The following SCN4A variants were observed in gnomAD, a reference collection of about 807,000 sequenced individuals.
SCN4A encodes sodium voltage-gated channel alpha subunit 4.
In SCN4A, 83 loss-of-function variants were observed where a neutral mutation model predicts 162.0. The ratio of observed to expected loss-of-function variants is 0.51; its 90% CI spans 0.43 to 0.61. The LOEUF is 0.61. Ranked by LOEUF, SCN4A falls within the 20% of genes least tolerant of loss-of-function variation. The probability of loss-of-function intolerance (pLI) is 0.00; values close to 1 mark genes in which losing one functional copy is unlikely to be tolerated. For missense variants in SCN4A, 2,196 were observed against 2,462.5 expected (o/e 0.89, Z 2.29); for synonymous variants, 944 against 985.1 (o/e 0.96, Z 0.78).
chr17:63,969,656 T>C (rs12952532), intron 5 of SCN4A, among the ~76,000 whole-genome samples: 57,065 of 152,008 alleles, frequency 0.38, 13,049 homozygotes, highest in South Asian at 0.58. Context: ...CTTTTCTTTT[T>C]TTTTTGAGAT....
rs1908695999 is a variant in SCN4A, at chr17:63,945,715, G to A, written c.3442-77C>T. On this transcript the variant is annotated intron_variant, in intron 18 of 23. Transcript: ENST00000435607. The surrounding 1 kb of genome is among the most constrained non-coding windows in gnomAD (Gnocchi z 4.4). ...GCTCCACATCTCTACGCCACCCAGG[G>A]GACCAGGCAGAGCTGGGCATTGTCA... 3.9e-6 allele frequency: 6 copies of A among 1,525,650 alleles called. No individual in the cohort carries two copies. The highest frequency in any genetic ancestry group is 4.5e-6 in the Non-Finnish European group (5 of 1,108,260). The allele number at this position is 1,525,650 out of a possible 1,614,324, so 94.5% of individuals were successfully genotyped here.
intron 15 of SCN4A, among the ~76,000 whole-genome samples, 164 bp from the exon 16 acceptor site, chr17:63,948,929 G>T (rs1381176242): frequency 6.6e-6 from 1 of 152,142 alleles, no homozygotes; most frequent in East Asian, 1.9e-4. Context: ...TGGCTCACAT[G>T]GGGGACTCAG....
chr17:63,962,588 C>T (rs1217001429), intron 10 of SCN4A, among the ~76,000 whole-genome samples: 2 of 152,136 alleles, frequency 1.3e-5, no homozygotes, highest in African/African-American at 4.8e-5. Context: ...ATCAGTGGCT[C>T]CCATTTCAAA....
Position 63,972,337 on chromosome 17 carries a change from T to G in SCN4A, c.392+15A>C. On this transcript the variant is annotated intron_variant, in intron 2 of 23. Coordinates refer to ENST00000435607, the MANE Select transcript of SCN4A (RefSeq NM_000334.4). The surrounding 1 kb of genome is among the most constrained non-coding windows in gnomAD (Gnocchi z 4.3). ...TCCCTAACCCCTCCCGCCTCTCCCATCTTGGGCAGGATATGCATGGATGAG... is the reference window on the plus strand; with the variant it reads ...TCCCTAACCCCTCCCGCCTCTCCCAGCTTGGGCAGGATATGCATGGATGAG... 6.2e-7 allele frequency: 1 copy of G among 1,611,246 alleles called. No individual in the cohort carries two copies. The highest frequency in any genetic ancestry group is 8.5e-7 in the Non-Finnish European group (1 of 1,177,742).
chr17:63,948,717 C>G lies in SCN4A; in HGVS notation c.3038G>C (p.Arg1013Pro). Residue 1013 changes from arginine to proline, a missense_variant, in exon 16 of 24, where the codon CGT becomes CCT. Physicochemically the swap from Arg to Pro is moderately radical, Grantham distance 103 (BLOSUM62 -2). Coordinates refer to ENST00000435607, the MANE Select transcript of SCN4A (RefSeq NM_000334.4). ...GCGCAGAGTCCACCACTTCTTCCCA[C>G]GGCCCTGGGAGATGTCCACGTAGAG... ...PCLYVDISQG[R>P]GKKWWTLRRA... 1 of 1,613,288 alleles carries G rather than the reference C, an allele frequency of 6.2e-7. No homozygotes were observed. Among genetic ancestry groups the G allele is most frequent in the Non-Finnish European group, 8.5e-7 (1 of 1,179,578 alleles).
Position 63,947,061 on chromosome 17 carries a change from C to A in SCN4A, c.3425G>T (p.Arg1142Leu), listed in dbSNP as rs780703403. ...RALRPLRALS[R>L]FEGMRVVVNA... is the part of the protein sequence containing the mutation. ...AGCACCCACCCTCATGCCCTCGAATCGGGACAGTGCCCTCAGGGGACGCAG... is the reference window on the plus strand; with the variant it reads ...AGCACCCACCCTCATGCCCTCGAATAGGGACAGTGCCCTCAGGGGACGCAG... The change falls in exon 18 of 24, where the codon CGA becomes CTA. Residue 1142 changes from arginine to leucine, a missense_variant. By Grantham distance (102) the Arg-to-Leu change is moderately radical. Transcript: ENST00000435607. 4 of 1,352,862 alleles carry A rather than the reference C, an allele frequency of 3.0e-6. No individual in the cohort carries two copies. Among genetic ancestry groups the A allele is most frequent in the Non-Finnish European group, 3.0e-6 (3 of 1,009,564 alleles). 83.8% of individuals were successfully genotyped at this position (1,352,862 alleles called of 1,614,324 possible).
chr17:63,958,565 T>G (rs762592554), intron 12 of SCN4A, among the ~76,000 whole-genome samples: 13 of 152,128 alleles, frequency 8.5e-5, no homozygotes, highest in Non-Finnish European at 1.5e-4. Flanking sequence ...TGTTGTTGTT[T>G]TTTTTGAGAC....
At chr17:63,946,763 G>T (rs931914483) in intron 18 of SCN4A, among the ~76,000 whole-genome samples, 3 of 152,120 alleles carry the variant, frequency 2.0e-5, no homozygotes, top group African/African-American at 7.2e-5. Context: ...GGGCCCTCCT[G>T]GGTGCTTCTG....
chr17:63,946,240 A>C (rs1908711560), intron 18 of SCN4A, among the ~76,000 whole-genome samples: 1 of 152,120 alleles, frequency 6.6e-6, no homozygotes, highest in Non-Finnish European at 1.5e-5. Flanking sequence ...TGGTTGGGGC[A>C]CTGACCAGCT....
rs1325810340 is a variant in SCN4A, at chr17:63,945,393, G to A, written c.3687C>T (p.Asn1229=). 3.7e-6 allele frequency: 6 copies of A among 1,612,876 alleles called. No homozygotes were observed. Among genetic ancestry groups the A allele is most frequent in the Non-Finnish European group, 5.1e-6 (6 of 1,178,906 alleles). ...RWLNVKVNYD[N]VGLGYLSLLQ... The stretch of plus-strand genomic sequence containing the variant: ...GGAGGGAGAGGTAGCCCAGACCCAC[G>A]TTGTCGTAGTTGACCTTGACATTGA... Residue 1229 remains asparagine (N), a synonymous_variant, in exon 19 of 24, where the codon AAC becomes AAT. Coordinates refer to ENST00000435607, the MANE Select transcript of SCN4A (RefSeq NM_000334.4). The surrounding 1 kb of genome is among the most constrained non-coding windows in gnomAD (Gnocchi z 4.4).
Position 63,971,857 on chromosome 17 carries a change from G to T in SCN4A, c.483-7C>A. The stretch of plus-strand genomic sequence containing the variant: ...GATCCCTGTGAAGGTGTACCTGGGG[G>T]GGAGAGGGCCGGCCGGGACAGGCAT... On this transcript the variant is annotated splice_polypyrimidine_tract_variant and splice_region_variant and intron_variant, in intron 3 of 23. Coordinates refer to ENST00000435607, the MANE Select transcript of SCN4A (RefSeq NM_000334.4). The T allele has an allele frequency of 6.6e-7, 1 of 1,515,580 alleles. No homozygotes were observed. The allele number at this position is 1,515,580 out of a possible 1,614,324, so 93.9% of individuals were successfully genotyped here.
At chr17:63,953,174 C>T (rs2144788709) in intron 13 of SCN4A, among the ~76,000 whole-genome samples, 1 of 152,262 alleles carries the variant, frequency 6.6e-6, no homozygotes, top group African/African-American at 2.4e-5. Context: ...TCCTGGCTAA[C>T]ATGGTGAAAC....
intron 13 of SCN4A, among the ~76,000 whole-genome samples, chr17:63,956,629 G>A (rs1054836208): frequency 6.6e-6 from 1 of 152,200 alleles, no homozygotes. Context: ...CCACAAAACT[G>A]TGCCTTTGTA....
intron 15 of SCN4A, among the ~76,000 whole-genome samples, chr17:63,949,145 AG>A (rs1908824344): frequency 6.6e-6 from 1 of 152,078 alleles, no homozygotes; most frequent in Non-Finnish European, 1.5e-5. Context: ...CTGAAGATGG[AG>A]GGGAGGATCT....
At chr17:63,964,104 C>T (rs1048866444) in intron 9 of SCN4A, among the ~76,000 whole-genome samples, 1 of 152,202 alleles carries the variant, frequency 6.6e-6, no homozygotes, top group Non-Finnish European at 1.5e-5. Flanking sequence ...TGGTCAGCCG[C>T]TCCCTGTGGC....
At position 63,959,254 on chromosome 17, in the gene SCN4A, CT is replaced by C. The variant is rs1386474833; in HGVS notation, c.2019+10del. 1 of 1,602,660 alleles carries C rather than the reference CT, an allele frequency of 6.2e-7. No individual in the cohort carries two copies. ...CCCATCCCAGCCCCTGGCCCTGGGG[CT>C]TTTGTGTACCAGACGGAAGGAGCGT... On this transcript the variant is annotated intron_variant, in intron 12 of 23. Transcript: ENST00000435607.
In SCN4A at chr17:63,940,446, A is replaced by G; in HGVS notation, c.*325T>C. ...CAGCTCCTCCTCAAGTGAGGGGCAG[A>G]GATTCGAATGTTCTGACCTCCCCCA... On this transcript the variant is annotated 3_prime_UTR_variant, in exon 24 of 24. Transcript: ENST00000435607. 1 of 317,256 alleles carries G rather than the reference A, an allele frequency of 3.2e-6. No individual in the cohort carries two copies. Among genetic ancestry groups the G allele is most frequent in the Non-Finnish European group, 5.8e-6 (1 of 172,894 alleles). The allele number at this position is 317,256 out of a possible 1,614,324, so 19.7% of individuals were successfully genotyped here.
At chr17:63,956,395 T>C (rs1013498549) in intron 13 of SCN4A, among the ~76,000 whole-genome samples, 1 of 152,194 alleles carries the variant, frequency 6.6e-6, no homozygotes, top group Non-Finnish European at 1.5e-5. Flanking sequence ...TGTGCCACCA[T>C]GCCTAGCTAA....
Position 63,945,083 on chromosome 17 carries a change from T to C in SCN4A, c.3721-23A>G. 6.2e-7 allele frequency: 1 copy of C among 1,606,424 alleles called. No homozygotes were observed. The highest frequency in any genetic ancestry group is 8.5e-7 in the Non-Finnish European group (1 of 1,175,722). On this transcript the variant is annotated intron_variant, in intron 19 of 23. Coordinates refer to ENST00000435607, the MANE Select transcript of SCN4A (RefSeq NM_000334.4). The surrounding 1 kb of genome is among the most constrained non-coding windows in gnomAD (Gnocchi z 4.4). ...GGCCTGAGAGAGTGTGGTTGGGGAG[T>C]GAGCCGGGGGGCTGCTCCCTGCTTT...
Sources: gnomAD v4.1 joint callset for allele counts (sites outside exome capture counted in the v4.1 genomes callset) on GRCh38, gnomAD v4.1.1 for gene constraint, Gnocchi (gnomAD v3.1) non-coding constraint, MANE v1.5 for transcripts, NCBI Gene and HGNC (gene_info 2026-07-23, HGNC 2026-07-21) for gene names.